Variants in SLC39A4 observed in about 807,000 individuals in gnomAD.
The protein encoded by SLC39A4 is solute carrier family 39 member 4.
SLC39A4 carries 49 observed loss-of-function variants against 56.6 expected under a neutral mutation model. The ratio of observed to expected loss-of-function variants is 0.87; its 90% confidence interval spans 0.69 to 1.10. The LOEUF (loss-of-function observed/expected upper bound fraction) is 1.10, where lower values mean the gene tolerates loss of function less well. Among genes scored for constraint, SLC39A4 ranks in the 50% least tolerant of loss-of-function variants. The probability of loss-of-function intolerance (pLI) is 0.00; values close to 1 mark genes in which losing one functional copy is unlikely to be tolerated. For synonymous variants in SLC39A4, 540 were observed against 420.4 expected (o/e 1.28, Z -3.48); for missense variants, 993 against 864.2 (o/e 1.15, Z -1.87).
rs781959543 is a variant in SLC39A4, at chr8:144,415,431, G to A, written c.475-12C>T. 1.8e-5 allele frequency: 29 copies of A among 1,589,134 alleles called. No individual in the cohort carries two copies. In the East Asian group the frequency reaches 5.9e-4, roughly 32 times the overall value. The stretch of plus-strand genomic sequence containing the variant: ...ATATCTACGCAGGCCTGGGGAAGAG[G>A]GGGCCTCCGCCTCAGCCTTTGGTGT... On this transcript the variant is annotated splice_polypyrimidine_tract_variant and intron_variant, in intron 2 of 11. Transcript: ENST00000301305.
In SLC39A4 at chr8:144,415,826, C is replaced by A; in HGVS notation, c.458G>T (p.Gly153Val). Residue 153 changes from glycine to valine, a missense_variant, in exon 2 of 12, where the codon GGC (glycine) becomes GTC (valine). Coordinates refer to ENST00000301305, the MANE Select transcript of SLC39A4 (RefSeq NM_130849.4). Reference protein sequence around the residue: ...LLQRMQARAAGQTPKMACVDI... With the variant: ...LLQRMQARAAVQTPKMACVDI... ...CTCCCTCACCATCTTGGGGGTCTGG[C>A]CGGCAGCCCGGGCCTGCATCCTCTG... is the stretch of plus-strand genomic sequence containing the variant. 2 of 1,594,178 alleles carry A rather than the reference C, an allele frequency of 1.3e-6. No homozygotes were observed. The highest frequency in any genetic ancestry group is 1.7e-6 in the Non-Finnish European group (2 of 1,175,470).
Position 144,412,820 on chromosome 8 carries a change from C to G in SLC39A4, c.1754G>C (p.Ser585Thr). 6.2e-7 allele frequency: 1 copy of G among 1,613,074 alleles called. No individual in the cohort carries two copies. The highest frequency in any genetic ancestry group is 8.5e-7 in the Non-Finnish European group (1 of 1,179,934). Residue 585 changes from serine (S) to threonine (T), a missense_variant, in exon 11 of 12, where the codon AGC becomes ACC. Physicochemically the swap from Ser to Thr is moderately conservative, Grantham distance 58. Coordinates refer to ENST00000301305, the MANE Select transcript of SLC39A4 (RefSeq NM_130849.4). ...GGCCACTGCCAGGATCCAGGCCTCG[C>G]TCTCCTCGCTGACTCCAACCGCGAG... is the stretch of plus-strand genomic sequence containing the variant. ...VALAVGVSEE[S>T]EAWILAVATG...
At position 144,412,594 on chromosome 8, in the gene SLC39A4, C is replaced by G; in HGVS notation, c.1888G>C (p.Gly630Arg). Residue 630 changes from glycine to arginine, a missense_variant, in exon 12 of 12, where the codon GGC becomes CGC. Coordinates refer to ENST00000301305, the MANE Select transcript of SLC39A4 (RefSeq NM_130849.4). ...AGCAGCAGCAGGACGGTCCAGCCGCCCAGCAGGCCCACGTTGTGCAGCAGG... is the reference window on the plus strand; with the variant it reads ...AGCAGCAGCAGGACGGTCCAGCCGCGCAGCAGGCCCACGTTGTGCAGCAGG... ...LFLLHNVGLL[G>R]GWTVLLLLSL... 1 of 1,614,186 alleles carries G rather than the reference C, an allele frequency of 6.2e-7. No individual in the cohort carries two copies. The highest frequency in any genetic ancestry group is 1.7e-4 in the Middle Eastern group (1 of 6,060).
Position 144,415,438 on chromosome 8 carries a change from C to T in SLC39A4, c.475-19G>A, listed in dbSNP as rs781908504. ...CGCAGGCCTGGGGAAGAGGGGGCCT[C>T]CGCCTCAGCCTTTGGTGTGACCTTC... On this transcript the variant is annotated intron_variant, in intron 2 of 11. Transcript: ENST00000301305. 5.1e-6 allele frequency: 8 copies of T among 1,581,628 alleles called. No individual in the cohort carries two copies. Among genetic ancestry groups the T allele is most frequent in the Non-Finnish European group, 6.9e-6 (8 of 1,164,540 alleles).
In SLC39A4 at chr8:144,415,011, A is replaced by G; in HGVS notation, c.767T>C (p.Leu256Pro). 6.2e-7 allele frequency: 1 copy of G among 1,612,140 alleles called. No individual in the cohort carries two copies. The change falls in exon 4 of 12, where the codon CTC becomes CCC. Residue 256 changes from leucine to proline, a missense_variant. Physicochemically the swap from Leu to Pro is moderately conservative, Grantham distance 98 (BLOSUM62 -3). Transcript: ENST00000301305. The part of the protein sequence containing the change: ...RGASSRDPVP[L>P]ISSSNSSSVW... ...ACTGGAGCTGTTGCTGGAGCTGATG[A>G]GGGGCACAGGGTCCCGGCTGCTGGC...
rs149544054 is a variant in SLC39A4 at position 144,414,451 on chromosome 8, C to T, written c.977-17G>A. The T allele has an allele frequency of 2.4e-4, 372 of 1,550,536 alleles. 1 individual carries two copies. In the East Asian group the frequency reaches 7.1e-3, roughly 30 times the overall value. On this transcript the variant is annotated splice_polypyrimidine_tract_variant and intron_variant, in intron 5 of 11. Transcript: ENST00000301305. Reference sequence around the variant, plus strand: ...ACAGATACCCTGGGGGCGGGTGAGGCGGCTGTGAGAGCTTTTCTTCCAGAC... The same window carrying T: ...ACAGATACCCTGGGGGCGGGTGAGGTGGCTGTGAGAGCTTTTCTTCCAGAC...
At chr8:144,413,482 C>G (rs1554872372) in intron 9 of SLC39A4, 31 bp downstream of exon 9, 1 of 1,561,896 alleles carries the variant, frequency 6.4e-7, no homozygotes, top group East Asian at 2.4e-5. Flanking sequence ...CCAGATCCCC[C>G]AGCCCTTCCG....
At chr8:144,416,435 AG>A in intron 1 of SLC39A4, 162 bp downstream of exon 1, 1 of 1,450,452 alleles carries the variant, frequency 6.9e-7, no homozygotes, top group Non-Finnish European at 9.0e-7. Flanking sequence ...CCTCATGAGC[AG>A]GAGGGTGGGC....
chr8:144,414,919 CAGGGGCCCA>C, intron 4 of SLC39A4, 23 bp from the exon 5 acceptor site: 5 of 1,613,156 alleles, frequency 3.1e-6, no homozygotes, highest in Non-Finnish European at 4.2e-6. Flanking sequence ...AGGACAGGCT[CAGGGGCCCA>C]AGCAGACCCC....
chr8:144,414,991 A>T lies in SLC39A4; in HGVS notation c.787T>A (p.Ser263Thr), dbSNP rs782343527. 8.1e-6 allele frequency: 13 copies of T among 1,612,456 alleles called. No homozygotes were observed. The highest frequency in any genetic ancestry group is 1.0e-5 in the Non-Finnish European group (12 of 1,179,948). ...CAGCTCACCGTGTCCCACACACTGG[A>T]GCTGTTGCTGGAGCTGATGAGGGGC... is the stretch of plus-strand genomic sequence containing the variant. ...PVPLISSSNSSSVWDTVCLSA... is the reference protein window; with the variant it reads ...PVPLISSSNSTSVWDTVCLSA... The change falls in exon 4 of 12, where the codon TCC (serine) becomes ACC (threonine). Residue 263 changes from serine (S) to threonine (T), a missense_variant. Transcript: ENST00000301305.
rs782768263 is a variant in SLC39A4 at position 144,415,152 on chromosome 8, C to G, written c.668-42G>C. On this transcript the variant is annotated intron_variant, in intron 3 of 11. Coordinates refer to ENST00000301305, the MANE Select transcript of SLC39A4 (RefSeq NM_130849.4). ...TTGGCACCGCGAGTCTGTGTGGGCT[C>G]CGGCCCTGCCCCCCAGGGACGTGGA... is the stretch of plus-strand genomic sequence containing the variant. 4.3e-6 allele frequency: 7 copies of G among 1,612,592 alleles called. No individual in the cohort carries two copies. The South Asian group carries it at 5.5e-5, about 13-fold the overall frequency.
rs761427561 is a variant in SLC39A4, at chr8:144,414,245, G to A, written c.1149+17C>T. ...TGGGGAACGGAGGGCCAGGGTCGCG[G>A]GTTTGTGGGGGCAGACCTTGGGCGT... On this transcript the variant is annotated intron_variant, in intron 6 of 11. Coordinates refer to ENST00000301305, the MANE Select transcript of SLC39A4 (RefSeq NM_130849.4). 1.2e-6 allele frequency: 2 copies of A among 1,606,142 alleles called. No individual in the cohort carries two copies. Among genetic ancestry groups the A allele is most frequent in the Non-Finnish European group, 8.5e-7 (1 of 1,177,838 alleles).
In SLC39A4 at chr8:144,412,625, G is replaced by C; in HGVS notation, c.1857C>G (p.Leu619=). ...MLKVRDPRPW[L]LFLLHNVGLL... ...GGCCCACGTTGTGCAGCAGGAAGAG[G>C]AGCCAGGGCCGCGGGTCCCGTACTT... The change falls in exon 12 of 12, where the codon CTC becomes CTG. Residue 619 remains leucine (L), a synonymous_variant. Coordinates refer to ENST00000301305, the MANE Select transcript of SLC39A4 (RefSeq NM_130849.4). The C allele has an allele frequency of 6.2e-7, 1 of 1,614,140 alleles. No individual in the cohort carries two copies. Among genetic ancestry groups the C allele is most frequent in the Non-Finnish European group, 8.5e-7 (1 of 1,180,016 alleles).
rs1554873855 is a variant in SLC39A4 at position 144,415,940 on chromosome 8, C to T, written c.344G>A (p.Arg115Gln). The change falls in exon 2 of 12, where the codon CGG (arginine) becomes CAG (glutamine). Residue 115 changes from arginine (R) to glutamine (Q), a missense_variant. Arg to Gln is a conservative substitution (Grantham distance 43). Transcript: ENST00000301305. Reference protein sequence around the residue: ...SNPEGTCEDARAGLWASHADH... With the variant: ...SNPEGTCEDAQAGLWASHADH... ...TGCATGAGAGGCCCAGAGGCCAGCC[C>T]GAGCGTCCTCACAGGTGCCCTCGGG... is the stretch of plus-strand genomic sequence containing the variant. 11 of 1,595,704 alleles carry T rather than the reference C, an allele frequency of 6.9e-6. No homozygotes were observed. The highest frequency in any genetic ancestry group is 4.0e-5 in the African/African-American group (3 of 74,818).
intron 6 of SLC39A4, 30 bp downstream of exon 6, chr8:144,414,232 G>A: frequency 6.2e-7 from 1 of 1,602,540 alleles, no homozygotes; most frequent in Non-Finnish European, 8.5e-7. Flanking sequence ...GGGAACGGAG[G>A]GCCAGGGTCG....
rs1554871748 is a variant in SLC39A4, at chr8:144,412,486, G to C, written c.*52C>G. On this transcript the variant is annotated 3_prime_UTR_variant, in exon 12 of 12. Transcript: ENST00000301305. ...AGGGGCTTCTGGTTTCTGGGCTGTA[G>C]GTTTGTGAGGTGTGGGATCTTAAGT... 2 of 1,613,708 alleles carry C rather than the reference G, an allele frequency of 1.2e-6. No homozygotes were observed. Among genetic ancestry groups the C allele is most frequent in the African/African-American group, 2.7e-5 (2 of 74,908 alleles).
At chr8:144,414,600 T>C in intron 5 of SLC39A4, 125 bp downstream of exon 5, 1 of 1,505,394 alleles carries the variant, frequency 6.6e-7, no homozygotes, top group Non-Finnish European at 8.9e-7. Context: ...CCTTCCCCTG[T>C]GTCTGTTGTT....
chr8:144,414,325 C>T lies in SLC39A4; in HGVS notation c.1086G>A (p.Gln362=). The T allele has an allele frequency of 6.2e-7, 1 of 1,602,750 alleles. No homozygotes were observed. Residue 362 remains glutamine (Q), a synonymous_variant, in exon 6 of 12, where the codon CAG becomes CAA. Coordinates refer to ENST00000301305, the MANE Select transcript of SLC39A4 (RefSeq NM_130849.4). ...GCRGVTHYIL[Q]TFLSLAVGAV... is the part of the protein sequence containing the mutation. Reference sequence around the variant, plus strand: ...CACCCACTGCCAGGCTCAGGAAGGTCTGCAGGATGTAGTGGGTGACCCCCC... The same window carrying T: ...CACCCACTGCCAGGCTCAGGAAGGTTTGCAGGATGTAGTGGGTGACCCCCC...
Position 144,413,570 on chromosome 8 carries a change from G to T in SLC39A4, c.1420-3C>A. The T allele has an allele frequency of 6.4e-7, 1 of 1,552,176 alleles. No individual in the cohort carries two copies. Among genetic ancestry groups the T allele is most frequent in the East Asian group, 2.4e-5 (1 of 41,110 alleles). On this transcript the variant is annotated splice_region_variant and splice_polypyrimidine_tract_variant and intron_variant, in intron 8 of 11. Transcript: ENST00000301305. ...AGCTCCGGGCTCTCCTCCGCCACCT[G>T]GGAGGAGCCTTGAGTAAGTCCCGCC...
Sources: gnomAD v4.1 joint callset for allele counts on GRCh38, gnomAD v4.1.1 for gene constraint, MANE v1.5 for transcripts, NCBI Gene and HGNC (gene_info 2026-07-23, HGNC 2026-07-21) for gene names.